The following PHLPP2 variants were observed in gnomAD, a reference collection of about 807,000 sequenced individuals.
PHLPP2 encodes PH domain and leucine rich repeat protein phosphatase 2.
In PHLPP2, 66 loss-of-function variants were observed where a neutral mutation model predicts 124.9. The ratio of observed to expected loss-of-function variants is 0.53; its 90% CI spans 0.43 to 0.65. PHLPP2 has a LOEUF of 0.65. Among genes scored for constraint, PHLPP2 ranks in the 30% least tolerant of loss-of-function variants. PHLPP2 has a pLI of 0.00. For synonymous variants in PHLPP2, 681 were observed against 624.7 expected (o/e 1.09, Z -1.34); for missense variants, 1,685 against 1,600.4 (o/e 1.05, Z -0.90).
Position 71,656,639 on chromosome 16 carries a change from G to C in PHLPP2, c.2322C>G (p.Thr774=). The C allele has an allele frequency of 6.2e-7, 1 of 1,613,528 alleles. No individual in the cohort carries two copies. The highest frequency in any genetic ancestry group is 8.5e-7 in the Non-Finnish European group (1 of 1,179,506). Reference sequence around the variant, plus strand: ...AGGTTGACGTAACTGTAGAATCTGTGGTTGGCAAAGGTTTCTGATCAATTT... The same window carrying C: ...AGGTTGACGTAACTGTAGAATCTGTCGTTGGCAAAGGTTTCTGATCAATTT... ...TLKIDQKPLP[T]TDSTVTSTFW... is the part of the protein sequence containing the mutation. Residue 774 remains threonine, a synonymous_variant, in exon 16 of 19, where the codon ACC becomes ACG. Coordinates refer to ENST00000568954, the MANE Select transcript of PHLPP2 (RefSeq NM_015020.3).
intron 3 of PHLPP2, among the ~76,000 whole-genome samples, chr16:71,697,891 A>C (rs1200763655): frequency 7.6e-6 from 1 of 132,090 alleles, no homozygotes; most frequent in Non-Finnish European, 1.5e-5. Context: ...TCTGTCGCCC[A>C]GGCTGGAGTG....
chr16:71,650,131 T>C (rs2044686261), intron 18 of PHLPP2, 87 bp from the exon 19 acceptor site: 6 of 894,052 alleles, frequency 6.7e-6, no homozygotes, highest in Non-Finnish European at 1.0e-5. Context: ...TAGGGAACTA[T>C]AATAAAACAA....
intron 16 of PHLPP2, 38 bp from the exon 17 acceptor site, chr16:71,655,472 A>G: frequency 6.8e-7 from 1 of 1,469,230 alleles, no homozygotes. Context: ...CAGAAAAGTT[A>G]CTGGTAAAAT....
chr16:71,686,033 G>T (rs2045051903), intron 4 of PHLPP2, among the ~76,000 whole-genome samples: 1 of 152,196 alleles, frequency 6.6e-6, no homozygotes, highest in South Asian at 2.1e-4. Context: ...TTGAATCCGG[G>T]AGGTGGAGGC....
intron 3 of PHLPP2, among the ~76,000 whole-genome samples, chr16:71,693,667 A>C (rs1041645438): frequency 6.6e-6 from 1 of 152,180 alleles, no homozygotes; most frequent in Non-Finnish European, 1.5e-5. Context: ...GGCCCAAAAC[A>C]ATCTGGACTC....
chr16:71,667,653 TATATTA>T (rs1472890526), intron 11 of PHLPP2, among the ~76,000 whole-genome samples: 8 of 152,238 alleles, frequency 5.3e-5, no homozygotes, highest in Non-Finnish European at 8.8e-5. Context: ...AAAAATTCAG[TATATTA>T]ATATTAACAC....
In PHLPP2 at chr16:71,676,716, A is replaced by G. The variant is rs2044949551; in HGVS notation, c.1269-67T>C. 3.3e-6 allele frequency: 4 copies of G among 1,204,786 alleles called. No homozygotes were observed. In the East Asian group the frequency reaches 9.5e-5, roughly 29 times the overall value. The allele number at this position is 1,204,786 out of a possible 1,614,324, so 74.6% of individuals were successfully genotyped here. A position where few individuals can be genotyped will look rare whatever the true frequency, so the allele number is the denominator to read the frequency against. ...TATTAAATGTGCTTACCAGAATAAAAATAAAAAATAGGACAGGTATGATCC... is the reference window on the plus strand; with the variant it reads ...TATTAAATGTGCTTACCAGAATAAAGATAAAAAATAGGACAGGTATGATCC... On this transcript the variant is annotated intron_variant, in intron 8 of 18. Transcript: ENST00000568954.
At chr16:71,692,297 C>G (rs1338536895) in intron 3 of PHLPP2, among the ~76,000 whole-genome samples, 8 of 152,134 alleles carry the variant, frequency 5.3e-5, no homozygotes, top group Admixed American at 5.2e-4. Flanking sequence ...TCTCCATCTC[C>G]TGACCTCGTG....
chr16:71,685,282 G>A (rs1316449344), intron 4 of PHLPP2, among the ~76,000 whole-genome samples: 3 of 152,152 alleles, frequency 2.0e-5, no homozygotes, highest in East Asian at 1.9e-4. Flanking sequence ...AGCTAAGATC[G>A]CGTCACTGCA....
chr16:71,715,823 C>CAAAAAAAAA (rs71153656), intron 1 of PHLPP2, among the ~76,000 whole-genome samples: 28 of 112,984 alleles, frequency 2.5e-4, no homozygotes, highest in East Asian at 9.2e-4. Context: ...ACTAAAAATA[C>CAAAAAAAAA]AAAAAAAAAA....
chr16:71,695,467 G>C (rs1052855204), intron 3 of PHLPP2, among the ~76,000 whole-genome samples: 1 of 152,174 alleles, frequency 6.6e-6, no homozygotes, highest in South Asian at 2.1e-4. Flanking sequence ...CCAGCACTTT[G>C]GGAGGCCAAG....
At chr16:71,691,357 A>G (rs2045110806) in intron 3 of PHLPP2, among the ~76,000 whole-genome samples, 2 of 152,086 alleles carry the variant, frequency 1.3e-5, no homozygotes, top group African/African-American at 4.8e-5. Context: ...GCTGCTCAGG[A>G]AGCTGAGGCA....
At chr16:71,697,013 A>C (rs1378458153) in intron 3 of PHLPP2, among the ~76,000 whole-genome samples, 1 of 151,926 alleles carries the variant, frequency 6.6e-6, no homozygotes, top group Non-Finnish European at 1.5e-5. Flanking sequence ...TCTACTAAAA[A>C]TACAAAAATT....
Position 71,663,273 on chromosome 16 carries a change from G to A in PHLPP2, c.1985+626C>T, listed in dbSNP as rs117418531. On this transcript the variant is annotated intron_variant, in intron 13 of 18. Coordinates refer to ENST00000568954, the MANE Select transcript of PHLPP2 (RefSeq NM_015020.3). ...ATTACAGGCATGTGCCACCACGTAC[G>A]GCTAATATTTTGTAGTTTTAGTAGA... Among the ~76,000 whole-genome samples the A allele has an allele frequency of 3.4e-3, 524 of 152,236 alleles. 1 individual carries two copies. The highest frequency in any genetic ancestry group is 6.1e-3 in the Non-Finnish European group (412 of 68,014).
intron 3 of PHLPP2, among the ~76,000 whole-genome samples, chr16:71,697,504 AAAC>A (rs1319600038): frequency 6.6e-6 from 1 of 152,214 alleles, no homozygotes; most frequent in Admixed American, 6.5e-5. Flanking sequence ...AGATTTTGAT[AAAC>A]AATAGTATTG....
At chr16:71,711,773 T>C (rs1340935045) in intron 2 of PHLPP2, among the ~76,000 whole-genome samples, 1 of 152,238 alleles carries the variant, frequency 6.6e-6, no homozygotes, top group African/African-American at 2.4e-5. Context: ...GATAATGCCT[T>C]AGATTGTCAA....
intron 4 of PHLPP2, among the ~76,000 whole-genome samples, chr16:71,685,115 C>A (rs888589028): frequency 6.6e-6 from 1 of 152,144 alleles, no homozygotes; most frequent in East Asian, 1.9e-4. Context: ...ATCACGAGGT[C>A]AGGAGTTCGA....
At chr16:71,713,515 C>T (rs1002035338) in intron 2 of PHLPP2, among the ~76,000 whole-genome samples, 2 of 152,148 alleles carry the variant, frequency 1.3e-5, no homozygotes, top group African/African-American at 2.4e-5. Flanking sequence ...ACCACAGGTA[C>T]ATGGATACTC....
In PHLPP2 at chr16:71,649,799, G is replaced by A. The variant is rs775549369; in HGVS notation, c.3063C>T (p.Gly1021=). 1 of 1,614,236 alleles carries A rather than the reference G, an allele frequency of 6.2e-7. No homozygotes were observed. The highest frequency in any genetic ancestry group is 1.1e-5 in the South Asian group (1 of 91,088). The change falls in exon 19 of 19, where the codon GGC becomes GGT. Residue 1021 remains glycine (G), a synonymous_variant. Transcript: ENST00000568954. ...CCATCGCCCCTACATTGTCCTGACAGCCATAGCTCTGCGCTAATGTGCACA... is the reference window on the plus strand; with the variant it reads ...CCATCGCCCCTACATTGTCCTGACAACCATAGCTCTGCGCTAATGTGCACA... ...KKLCTLAQSY[G]CQDNVGAMVV... is the part of the protein sequence containing the mutation.
Sources: gnomAD v4.1 joint callset for allele counts (sites outside exome capture counted in the v4.1 genomes callset) on GRCh38, gnomAD v4.1.1 for gene constraint, MANE v1.5 for transcripts, NCBI Gene and HGNC (gene_info 2026-07-23, HGNC 2026-07-21) for gene names.